Variants in RPS6KA6 observed in about 807,000 individuals in gnomAD.
RPS6KA6 encodes the protein ribosomal protein S6 kinase alpha-6.
In RPS6KA6, 27 loss-of-function variants were observed where a neutral mutation model predicts 65.4. That is an observed-to-expected ratio of 0.41 (90% CI 0.30 to 0.57). RPS6KA6 has a LOEUF of 0.57. Among genes scored for constraint, RPS6KA6 ranks in the 20% least tolerant of loss-of-function variants. The probability of loss-of-function intolerance (pLI) is 0.24; values close to 1 mark genes in which losing one functional copy is unlikely to be tolerated. For missense variants in RPS6KA6, 486 were observed against 555.6 expected (o/e 0.87, Z 1.26); for synonymous variants, 190 against 184.2 (o/e 1.03, Z -0.26).
At chrX:84,108,158 C>G (rs185178471) in intron 12 of RPS6KA6, among the ~76,000 whole-genome samples, 1 of 111,684 alleles carries the variant, frequency 9.0e-6, no homozygotes, top group African/African-American at 3.2e-5. Context: ...AAAATTTAGT[C>G]GTCTAACAAT....
intron 1 of RPS6KA6, among the ~76,000 whole-genome samples, chrX:84,166,151 C>T (rs2035593907): frequency 1.8e-5 from 2 of 111,930 alleles, no homozygotes; most frequent in Non-Finnish European, 1.9e-5. Flanking sequence ...AGTGCTGACC[C>T]AAACTCTCTG....
At chrX:84,174,426 TA>T (rs1471072297) in intron 1 of RPS6KA6, among the ~76,000 whole-genome samples, 1 of 111,824 alleles carries the variant, frequency 8.9e-6, no homozygotes, top group Admixed American at 9.6e-5. Context: ...CAAATCAATT[TA>T]AAAGAGATGT....
chrX:84,113,320 G>A (rs772557403), intron 12 of RPS6KA6, among the ~76,000 whole-genome samples: 43 of 111,173 alleles, frequency 3.9e-4, no homozygotes, highest in East Asian at 1.1e-3. Context: ...CTACAAAACC[G>A]GTATCATCCT....
chrX:84,068,566 A>G (rs752555705), intron 20 of RPS6KA6, among the ~76,000 whole-genome samples: 20 of 111,993 alleles, frequency 1.8e-4, no homozygotes, highest in African/African-American at 6.2e-4. Flanking sequence ...TGGAAGTTCC[A>G]GCCAGGGCAA....
chrX:84,165,780 TA>T (rs1410797794), intron 1 of RPS6KA6, among the ~76,000 whole-genome samples: 1 of 111,486 alleles, frequency 9.0e-6, no homozygotes. Flanking sequence ...TAATCCCTGT[TA>T]TTTTTTTTGC....
At chrX:84,066,432 G>C (rs188324224) in intron 20 of RPS6KA6, among the ~76,000 whole-genome samples, 1 of 109,171 alleles carries the variant, frequency 9.2e-6, no homozygotes, top group Non-Finnish European at 1.9e-5. Flanking sequence ...CGGCGGGGGC[G>C]GGGGGGTGTC....
At chrX:84,088,864 G>A (rs1027529592) in intron 20 of RPS6KA6, among the ~76,000 whole-genome samples, 2 of 112,180 alleles carry the variant, frequency 1.8e-5, no homozygotes, top group Non-Finnish European at 3.8e-5. Context: ...CAGTGAACAG[G>A]GATAGATCAG....
At chrX:84,083,083 C>G (rs2033837977) in intron 20 of RPS6KA6, among the ~76,000 whole-genome samples, 1 of 111,924 alleles carries the variant, frequency 8.9e-6, no homozygotes, top group Non-Finnish European at 1.9e-5. Flanking sequence ...CAACAAAAGC[C>G]AAAACTGACA....
chrX:84,087,246 T>G (rs1175290950), intron 20 of RPS6KA6, among the ~76,000 whole-genome samples: 1 of 111,875 alleles, frequency 8.9e-6, no homozygotes, highest in Non-Finnish European at 1.9e-5. Context: ...TGTTTCATAA[T>G]GTAACTGGTC....
chrX:84,123,880 G>T (rs1224431939), intron 8 of RPS6KA6, among the ~76,000 whole-genome samples: 2 of 111,158 alleles, frequency 1.8e-5, no homozygotes, highest in African/African-American at 6.5e-5. Flanking sequence ...GTGAGCCAAG[G>T]TCGAGACCCA....
Position 84,102,127 on chromosome X carries a change from C to A in RPS6KA6, c.1686G>T (p.Arg562Ser), listed in dbSNP as rs2034270052. Residue 562 changes from arginine (R) to serine (S), a missense_variant, in exon 18 of 22, where the codon AGG (arginine) becomes AGT (serine). Arg to Ser is a moderately radical substitution (Grantham distance 110). Coordinates refer to ENST00000262752, the MANE Select transcript of RPS6KA6 (RefSeq NM_014496.5). Reference protein sequence around the residue: ...MDESASADSIRICDFGFAKQL... With the variant: ...MDESASADSISICDFGFAKQL... ...GTTTTGCAAACCCAAAATCACATATCCTGATTGAATCTGCACTGGCTGATT... is the reference window on the plus strand; with the variant it reads ...GTTTTGCAAACCCAAAATCACATATACTGATTGAATCTGCACTGGCTGATT... 2 of 1,193,603 alleles carry A rather than the reference C, an allele frequency of 1.7e-6. No homozygotes were observed. Among genetic ancestry groups the A allele is most frequent in the East Asian group, 6.0e-5 (2 of 33,239 alleles).
chrX:84,088,938 A>T (rs1365404343), intron 20 of RPS6KA6, among the ~76,000 whole-genome samples: 1 of 110,909 alleles, frequency 9.0e-6, no homozygotes, highest in Non-Finnish European at 1.9e-5. Flanking sequence ...GTTGTGGGGG[A>T]CTCTTCCTCC....
chrX:84,104,601 C>T lies in RPS6KA6; in HGVS notation c.1512G>A (p.Glu504=). 8.5e-7 allele frequency: 1 copy of T among 1,183,222 alleles called. No individual in the cohort carries two copies. Among genetic ancestry groups the T allele is most frequent in the Non-Finnish European group, 1.1e-6 (1 of 877,639 alleles). The change falls in exon 17 of 22, where the codon GAG becomes GAA. Residue 504 remains glutamate (E), a synonymous_variant. Coordinates refer to ENST00000262752, the MANE Select transcript of RPS6KA6 (RefSeq NM_014496.5). ...TTTGTTTGAGAATACGGTCAAGTAA[C>T]TCTCCTCCTTTCATTAAATCCGTAA... ...YLVTDLMKGG[E]LLDRILKQKC...
chrX:84,105,144 T>A (rs1227257055), intron 16 of RPS6KA6, among the ~76,000 whole-genome samples: 1 of 109,891 alleles, frequency 9.1e-6, no homozygotes, highest in Non-Finnish European at 1.9e-5. Context: ...AAAGTATTTA[T>A]ACACTTTTCA....
At chrX:84,143,551 T>C (rs1032642128) in intron 6 of RPS6KA6, among the ~76,000 whole-genome samples, 1 of 111,211 alleles carries the variant, frequency 9.0e-6, no homozygotes, top group Admixed American at 9.6e-5. Context: ...CCTAAATAAA[T>C]TGAGAAAGAT....
intron 7 of RPS6KA6, 127 bp from the exon 8 acceptor site, chrX:84,134,946 CTT>C (rs2023306273): frequency 5.0e-6 from 3 of 601,479 alleles, no homozygotes; most frequent in Non-Finnish European, 5.1e-6. Flanking sequence ...AAATGATTAA[CTT>C]AAAGTCAATG....
chrX:84,173,497 T>C (rs2035718180), intron 1 of RPS6KA6, among the ~76,000 whole-genome samples: 1 of 111,804 alleles, frequency 8.9e-6, no homozygotes, highest in Non-Finnish European at 1.9e-5. Context: ...GTTTTTCTGA[T>C]AAAAACAATA....
intron 4 of RPS6KA6, among the ~76,000 whole-genome samples, 199 bp from the exon 5 acceptor site, chrX:84,147,257 G>C (rs1342173143): frequency 8.9e-6 from 1 of 111,927 alleles, no homozygotes; most frequent in African/African-American, 3.2e-5. Context: ...GACAGGTTAA[G>C]GTGGCATAAA....
chrX:84,110,928 G>A (rs2034457530), intron 12 of RPS6KA6, among the ~76,000 whole-genome samples: 1 of 107,031 alleles, frequency 9.3e-6, no homozygotes, highest in South Asian at 4.0e-4. Flanking sequence ...CCAAAATAAA[G>A]TCAAACACAT....
Sources: allele counts gnomAD v4.1 joint callset (sites outside exome capture counted in the v4.1 genomes callset), GRCh38; gene constraint gnomAD v4.1.1; transcripts MANE v1.5; gene names NCBI Gene and HGNC (gene_info 2026-07-23, HGNC 2026-07-21).